NTRK2: variants seen among roughly 807,000 people sequenced by gnomAD.
NTRK2 encodes BDNF/NT-3 growth factors receptor.
A neutral mutation model predicts 94.5 loss-of-function variants in NTRK2; 13 were observed. The observed-to-expected ratio is 0.14, with a 90% CI of 0.09 to 0.22. NTRK2 has a LOEUF of 0.22. Among genes scored for constraint, NTRK2 ranks in the 10% least tolerant of loss-of-function variants. The pLI is 1.00. For missense variants in NTRK2, 639 were observed against 1,071.2 expected, an observed-to-expected ratio of 0.60 and a Z score of 5.63; for synonymous variants, 372 against 407.4, an observed-to-expected ratio of 0.91 and a Z score of 1.05.
At chr9:84,704,862 C>G (rs1443171382) in intron 4 of NTRK2, among the ~76,000 whole-genome samples, 1 of 152,068 alleles carries the variant, frequency 6.6e-6, no homozygotes, top group Non-Finnish European at 1.5e-5. Flanking sequence ...CTTTTGAGAA[C>G]AGTAGGGAGG....
At chr9:84,867,459 C>T (rs1404674259) in intron 14 of NTRK2, 28 bp downstream of exon 14, 7 of 1,583,202 alleles carry the variant, frequency 4.4e-6, no homozygotes, top group Non-Finnish European at 6.1e-6. Context: ...TACTTATTGT[C>T]CCATTTGCTG....
chr9:84,910,148 A>G (rs1383005572), intron 14 of NTRK2, among the ~76,000 whole-genome samples: 5 of 152,160 alleles, frequency 3.3e-5, no homozygotes, highest in Non-Finnish European at 5.9e-5. Flanking sequence ...ATTTTTGCCT[A>G]TGGATGTCCA....
At chr9:84,949,462 A>G (rs2078706314) in intron 16 of NTRK2, among the ~76,000 whole-genome samples, 1 of 151,196 alleles carries the variant, frequency 6.6e-6, no homozygotes, top group African/African-American at 2.4e-5. Flanking sequence ...TTATTTATTT[A>G]TTTATTTATT....
At chr9:84,731,625 C>T (rs2062894097) in intron 9 of NTRK2, among the ~76,000 whole-genome samples, 1 of 151,998 alleles carries the variant, frequency 6.6e-6, no homozygotes, top group Non-Finnish European at 1.5e-5. Flanking sequence ...TAATGACAGT[C>T]CTCATAACCT....
At chr9:84,959,654 G>A (rs1366753336) in intron 17 of NTRK2, among the ~76,000 whole-genome samples, 2 of 152,184 alleles carry the variant, frequency 1.3e-5, no homozygotes, top group African/African-American at 2.4e-5. Context: ...CCAACATGGC[G>A]GGTCCAAAAT....
chr9:84,899,044 G>A (rs2076847264), intron 14 of NTRK2, among the ~76,000 whole-genome samples: 4 of 152,166 alleles, frequency 2.6e-5, no homozygotes, highest in Admixed American at 1.3e-4. Context: ...TGACAACAAA[G>A]TCTAGTATAA....
intron 17 of NTRK2, 105 bp downstream of exon 17, chr9:84,955,622 G>A (rs1424376440): frequency 4.2e-6 from 4 of 949,604 alleles, no homozygotes; most frequent in Non-Finnish European, 6.6e-6. Flanking sequence ...TGACTGGGTG[G>A]CTTAAACGAC....
At chr9:84,940,346 T>C (rs1025988020) in intron 15 of NTRK2, among the ~76,000 whole-genome samples, 1 of 152,214 alleles carries the variant, frequency 6.6e-6, no homozygotes, top group Non-Finnish European at 1.5e-5. Flanking sequence ...CCCTGGTGAC[T>C]GTCCCTTCTT....
At chr9:84,985,012 A>G (rs1442055834) in intron 17 of NTRK2, among the ~76,000 whole-genome samples, 1 of 152,244 alleles carries the variant, frequency 6.6e-6, no homozygotes, top group Non-Finnish European at 1.5e-5. Flanking sequence ...TGTCATAGAA[A>G]TGCCTTTGAT....
chr9:84,896,416 G>T (rs2076760207), intron 14 of NTRK2, among the ~76,000 whole-genome samples: 1 of 152,130 alleles, frequency 6.6e-6, no homozygotes, highest in African/African-American at 2.4e-5. Context: ...GAGGGAAATT[G>T]GAAGCACATT....
intron 17 of NTRK2, among the ~76,000 whole-genome samples, chr9:84,976,627 A>T (rs914440247): frequency 6.6e-6 from 1 of 152,200 alleles, no homozygotes; most frequent in African/African-American, 2.4e-5. Context: ...GAGCCAACTA[A>T]AACACTGTGA....
chr9:84,680,039 A>C (rs2059299376), intron 2 of NTRK2, among the ~76,000 whole-genome samples: 1 of 152,050 alleles, frequency 6.6e-6, no homozygotes, highest in African/African-American at 2.4e-5. Context: ...TGTGACCCCC[A>C]AGAGCAGAAG....
intron 14 of NTRK2, among the ~76,000 whole-genome samples, chr9:84,914,336 T>C (rs1295841479): frequency 2.0e-5 from 3 of 152,236 alleles, no homozygotes; most frequent in Admixed American, 1.3e-4. Flanking sequence ...TTGGCATTAT[T>C]GATTGTTCTT....
chr9:84,910,298 T>C (rs2077201612), intron 14 of NTRK2, among the ~76,000 whole-genome samples: 1 of 152,156 alleles, frequency 6.6e-6, no homozygotes. Flanking sequence ...CTGAAACCAG[T>C]ATCATCAGGG....
chr9:85,022,160 C>T lies in NTRK2; in HGVS notation c.*723C>T. ...CCACTGGGATCAGCTGGTGTCAGTC[C>T]CTACTTAGGAAATACTCAGCAACTG... is the stretch of plus-strand genomic sequence containing the variant. On this transcript the variant is annotated 3_prime_UTR_variant, in exon 19 of 19. Coordinates refer to ENST00000277120, the MANE Select transcript of NTRK2 (RefSeq NM_006180.6). 4.3e-6 allele frequency: 1 copy of T among 233,266 alleles called. No individual in the cohort carries two copies. Among genetic ancestry groups the T allele is most frequent in the South Asian group, 1.8e-4 (1 of 5,520 alleles). 14.4% of individuals were successfully genotyped at this position (233,266 alleles called of 1,614,324 possible).
chr9:84,694,903 C>T (rs1393498382), intron 2 of NTRK2, among the ~76,000 whole-genome samples: 1 of 151,622 alleles, frequency 6.6e-6, no homozygotes, highest in Admixed American at 6.6e-5. Flanking sequence ...ATTGGCCGGG[C>T]GCGGTGGCTC....
intron 12 of NTRK2, among the ~76,000 whole-genome samples, chr9:84,761,011 A>G (rs1056438307): frequency 1.3e-5 from 2 of 152,182 alleles, no homozygotes; most frequent in South Asian, 2.1e-4. Flanking sequence ...CAGACCCTGC[A>G]TTTTCTGTGA....
At chr9:84,704,225 CT>C (rs773413015) in intron 4 of NTRK2, among the ~76,000 whole-genome samples, 7,175 of 93,386 alleles carry the variant, frequency 0.077, 126 homozygotes, top group African/African-American at 0.17. Context: ...TGGTGGTATT[CT>C]TTTTTTTTTT....
chr9:84,742,029 C>A, intron 10 of NTRK2, 102 bp downstream of exon 10: 3 of 1,072,108 alleles, frequency 2.8e-6, no homozygotes, highest in Non-Finnish European at 4.2e-6. Context: ...GTTAAATTTA[C>A]ACTTTAAGCA....
Sources: gnomAD v4.1 joint callset for allele counts (sites outside exome capture counted in the v4.1 genomes callset) on GRCh38, gnomAD v4.1.1 for gene constraint, MANE v1.5 for transcripts, NCBI Gene and HGNC (gene_info 2026-07-23, HGNC 2026-07-21) for gene names.